The following PRKCB variants were observed in gnomAD, a reference collection of about 807,000 sequenced individuals.
PRKCB encodes the protein protein kinase C beta type.
PRKCB carries 13 observed loss-of-function variants against 81.5 expected under a neutral mutation model. The ratio of observed to expected loss-of-function variants is 0.16; its 90% CI spans 0.10 to 0.25. The LOEUF (loss-of-function observed/expected upper bound fraction) is 0.25, where lower values mean the gene tolerates loss of function less well. PRKCB is among the 10% of genes least tolerant of loss of function. The pLI, the probability that PRKCB is intolerant of heterozygous loss-of-function variation, is 1.00. For synonymous variants in PRKCB, 335 were observed against 321.4 expected (o/e 1.04, Z -0.45); for missense variants, 509 against 875.7 (o/e 0.58, Z 5.29).
intron 15 of PRKCB, among the ~76,000 whole-genome samples, chr16:24,187,060 T>C (rs1967714687): frequency 6.6e-6 from 1 of 152,062 alleles, no homozygotes; most frequent in South Asian, 2.1e-4. Flanking sequence ...AGACAAGTTA[T>C]TGAAGGGTGG....
At chr16:24,022,520 C>A (rs1309525373) in intron 3 of PRKCB, among the ~76,000 whole-genome samples, 5 of 152,112 alleles carry the variant, frequency 3.3e-5, no homozygotes, top group East Asian at 1.9e-4. Context: ...GAGACAGAGT[C>A]TCGCTCTGTT....
intron 9 of PRKCB, among the ~76,000 whole-genome samples, chr16:24,144,201 G>A (rs921855795): frequency 6.6e-5 from 10 of 152,136 alleles, no homozygotes; most frequent in African/African-American, 9.7e-5. Context: ...AAAAGAGAAC[G>A]AAGGAGAGAG....
intron 2 of PRKCB, among the ~76,000 whole-genome samples, chr16:23,863,717 C>T (rs985771033): frequency 3.2e-4 from 49 of 152,128 alleles, no homozygotes; most frequent in Non-Finnish European, 7.3e-5. Context: ...TCAGTCTTGT[C>T]CGCTTCCAAT....
intron 16 of PRKCB, among the ~76,000 whole-genome samples, chr16:24,193,780 G>A (rs1967835352): frequency 1.3e-5 from 2 of 152,124 alleles, no homozygotes; most frequent in Non-Finnish European, 2.9e-5. Context: ...GTTGGAGATC[G>A]ATGCAAGCCA....
rs1183992230 is a variant in PRKCB at position 24,032,219 on chromosome 16, A to G, written c.372A>G (p.Gly124=). Residue 124 remains glycine (G), a synonymous_variant, in exon 4 of 17, where the codon GGA becomes GGG. Coordinates refer to ENST00000643927, the MANE Select transcript of PRKCB (RefSeq NM_002738.7). ...FCDHCGSLLY[G]LIHQGMKCDT... ...ACCACTGTGGGTCACTGCTGTATGG[A>G]CTCATCCACCAGGGGATGAAATGTG... The G allele has an allele frequency of 6.2e-7, 1 of 1,611,436 alleles. No homozygotes were observed. Among genetic ancestry groups the G allele is most frequent in the Non-Finnish European group, 8.5e-7 (1 of 1,178,016 alleles).
chr16:24,043,674 C>G (rs1314152632), intron 5 of PRKCB, among the ~76,000 whole-genome samples: 8 of 152,108 alleles, frequency 5.3e-5, no homozygotes, highest in Non-Finnish European at 1.0e-4. Flanking sequence ...AGTGTTCCTT[C>G]TCTTCTTCCC....
At chr16:23,961,884 T>C (rs1404821334) in intron 2 of PRKCB, among the ~76,000 whole-genome samples, 1 of 152,122 alleles carries the variant, frequency 6.6e-6, no homozygotes, top group Non-Finnish European at 1.5e-5. Context: ...GGTGCCCTCA[T>C]TTCCCAGGCT....
At chr16:24,175,722 A>C (rs1967519120) in intron 12 of PRKCB, among the ~76,000 whole-genome samples, 1 of 151,912 alleles carries the variant, frequency 6.6e-6, no homozygotes, top group Non-Finnish European at 1.5e-5. Flanking sequence ...CTGTAATCCC[A>C]ACGCTTTGGG....
chr16:24,146,443 T>G (rs115626064), intron 9 of PRKCB, among the ~76,000 whole-genome samples: 88 of 152,306 alleles, frequency 5.8e-4, no homozygotes, highest in African/African-American at 2.1e-3. Flanking sequence ...CATCTCCATT[T>G]TATAAGATGA....
intron 3 of PRKCB, among the ~76,000 whole-genome samples, chr16:24,019,591 C>A (rs1336907467): frequency 6.6e-6 from 1 of 152,046 alleles, no homozygotes; most frequent in Non-Finnish European, 1.5e-5. Flanking sequence ...TGGCGAAACC[C>A]TGTCTCTGCA....
intron 5 of PRKCB, among the ~76,000 whole-genome samples, chr16:24,063,905 T>A (rs1966003049): frequency 1.3e-5 from 2 of 152,214 alleles, no homozygotes; most frequent in South Asian, 4.1e-4. Flanking sequence ...CATGTTGTAG[T>A]CTGTCCATGC....
In PRKCB at chr16:24,215,646, A is replaced by G. The variant is rs1968215414; in HGVS notation, c.*830A>G. On this transcript the variant is annotated 3_prime_UTR_variant, in exon 17 of 17. Coordinates refer to ENST00000643927, the MANE Select transcript of PRKCB (RefSeq NM_002738.7). ...TCTGTTGTTGTTCAAATGCAAAAAA[A>G]AGAAAAAAAAAGAAAAAAAAAGGTG... 5.4e-6 allele frequency: 5 copies of G among 921,128 alleles called. No homozygotes were observed. Among genetic ancestry groups the G allele is most frequent in the Non-Finnish European group, 6.5e-6 (5 of 772,586 alleles). The allele number at this position is 921,128 out of a possible 1,614,324, so 57.1% of individuals were successfully genotyped here.
Position 24,074,773 on chromosome 16 carries a change from G to A in PRKCB, c.530-18018G>A, listed in dbSNP as rs527838796. Among the ~76,000 whole-genome samples, 17 of 152,106 alleles carry A rather than the reference G, an allele frequency of 1.1e-4. No individual in the cohort carries two copies. In the East Asian group the frequency reaches 1.2e-3, roughly 10 times the overall value. ...AAATCTGTAAGGAGGCTGATGCAAC[G>A]GTCTAAGCTGCTTTGTGCAATATGG... On this transcript the variant is annotated intron_variant, in intron 5 of 16. Transcript: ENST00000643927.
chr16:23,977,537 T>TA (rs1221354247), intron 2 of PRKCB, among the ~76,000 whole-genome samples: 3 of 151,892 alleles, frequency 2.0e-5, no homozygotes, highest in Admixed American at 1.3e-4. Flanking sequence ...GGGATCTAGA[T>TA]AAAAAAAGAA....
intron 7 of PRKCB, among the ~76,000 whole-genome samples, chr16:24,109,651 C>T (rs1241311472): frequency 7.6e-6 from 1 of 131,570 alleles, no homozygotes; most frequent in Non-Finnish European, 1.5e-5. Flanking sequence ...GGGCTCCTCA[C>T]ATCCCAGATG....
intron 2 of PRKCB, among the ~76,000 whole-genome samples, chr16:23,851,014 A>C (rs1962463243): frequency 6.6e-6 from 1 of 152,154 alleles, no homozygotes; most frequent in South Asian, 2.1e-4. Flanking sequence ...TTTGGATATT[A>C]ACTTCTTATC....
In PRKCB at chr16:24,215,165, A is replaced by C. The variant is rs1383668360; in HGVS notation, c.*349A>C. ...CTGCCATATTCACCCCCAACCATCC[A>C]ATCTGTGGATAATTGGATGTTAGCG... On this transcript the variant is annotated 3_prime_UTR_variant, in exon 17 of 17. Coordinates refer to ENST00000643927, the MANE Select transcript of PRKCB (RefSeq NM_002738.7). The C allele has an allele frequency of 2.9e-6, 3 of 1,044,512 alleles. No homozygotes were observed. The highest frequency in any genetic ancestry group is 3.5e-6 in the Non-Finnish European group (3 of 865,234). The allele number at this position is 1,044,512 out of a possible 1,614,324, so 64.7% of individuals were successfully genotyped here.
chr16:24,063,661 G>A (rs28626170), intron 5 of PRKCB, among the ~76,000 whole-genome samples: 2,495 of 152,170 alleles, frequency 0.016, 70 homozygotes, highest in African/African-American at 0.056. Context: ...TGCAGCATGC[G>A]CTTAGGGAAC....
At chr16:24,112,565 CA>C (rs1322328084) in intron 7 of PRKCB, among the ~76,000 whole-genome samples, 1 of 149,670 alleles carries the variant, frequency 6.7e-6, no homozygotes, top group Non-Finnish European at 1.5e-5. Flanking sequence ...ATAACAACAA[CA>C]ACAAGAAATT....
Sources: allele counts gnomAD v4.1 joint callset (sites outside exome capture counted in the v4.1 genomes callset), GRCh38; gene constraint gnomAD v4.1.1; transcripts MANE v1.5; gene names NCBI Gene and HGNC (gene_info 2026-07-23, HGNC 2026-07-21).